The following NCOA3 variants were observed in gnomAD, a reference collection of about 807,000 sequenced individuals.
The protein encoded by NCOA3 is CBP-interacting protein.
A neutral mutation model predicts 158.8 loss-of-function variants in NCOA3; 51 were observed. That is an observed-to-expected ratio of 0.32 (90% confidence interval 0.26 to 0.41). The LOEUF (loss-of-function observed/expected upper bound fraction) is 0.41. Ranked by LOEUF, NCOA3 falls within the 10% of genes least tolerant of loss-of-function variation. The probability of loss-of-function intolerance (pLI) is 1.00; values close to 1 mark genes in which losing one functional copy is unlikely to be tolerated. For synonymous variants in NCOA3, 537 were observed against 592.4 expected, an observed-to-expected ratio of 0.91 and a Z score of 1.36; for missense variants, 1,510 against 1,746.6, an observed-to-expected ratio of 0.86 and a Z score of 2.41.
intron 20 of NCOA3, among the ~76,000 whole-genome samples, chr20:47,651,778 C>T (rs1211029282): frequency 6.6e-6 from 1 of 151,958 alleles, no homozygotes; most frequent in African/African-American, 2.4e-5. Flanking sequence ...GATTCTCCTG[C>T]CTCAGCCCTG....
At chr20:47,526,389 C>T (rs1219605835) in intron 1 of NCOA3, among the ~76,000 whole-genome samples, 5 of 152,088 alleles carry the variant, frequency 3.3e-5, no homozygotes, top group African/African-American at 1.2e-4. Flanking sequence ...AATCTCGGCA[C>T]TTTGGGAGGC....
Position 47,535,515 on chromosome 20 carries a change from C to CT in NCOA3, c.-99+33507dup, listed in dbSNP as rs1273521715. Among the ~76,000 whole-genome samples the CT allele has an allele frequency of 6.6e-3, 954 of 144,222 alleles. 7 individuals are homozygous for CT. The highest frequency in any genetic ancestry group is 0.019 in the Admixed American group (280 of 14,424). The allele number at this position is 144,222 out of a possible 152,430, so 94.6% of individuals were successfully genotyped here. ...GGAGAATGAGTGCAAGGTTTTTTTG[C>CT]TTTTTTTTTTTGAGACCGAGTCTCA... is the stretch of plus-strand genomic sequence containing the variant. On this transcript the variant is annotated intron_variant, in intron 1 of 22. Transcript: ENST00000371998.
At chr20:47,514,978 C>A (rs958243778) in intron 1 of NCOA3, among the ~76,000 whole-genome samples, 1 of 151,280 alleles carries the variant, frequency 6.6e-6, no homozygotes. Context: ...AGCCACCACA[C>A]CCAGCCTCTT....
In NCOA3 at chr20:47,647,212, A is replaced by C. The variant is rs1236101238; in HGVS notation, c.3392A>C (p.Gln1131Pro). 1 of 1,614,200 alleles carries C rather than the reference A, an allele frequency of 6.2e-7. No homozygotes were observed. The change falls in exon 18 of 23, where the codon CAA (glutamine) becomes CCA (proline). Residue 1131 changes from glutamine (Q) to proline (P), a missense_variant. Around this residue, in one of 4 missense-constraint regions of NCOA3, gnomAD observed 1,017 missense variants for 1,098.3 expected, o/e 0.93. Transcript: ENST00000371998. Reference sequence around the variant, plus strand: ...CAAGGAGGCTTTCATCTTCAGGGACAATCACCATCTTTTAACTCTATGATG... The same window carrying C: ...CAAGGAGGCTTTCATCTTCAGGGACCATCACCATCTTTTAACTCTATGATG... ...PMQGGFHLQG[Q>P]SPSFNSMMNQ...
intron 1 of NCOA3, among the ~76,000 whole-genome samples, chr20:47,536,653 C>G (rs1464255754): frequency 6.6e-6 from 1 of 151,970 alleles, no homozygotes; most frequent in Admixed American, 6.6e-5. Flanking sequence ...GCTTTGAGTT[C>G]TTATTTATTT....
intron 1 of NCOA3, among the ~76,000 whole-genome samples, chr20:47,549,015 CA>C (rs1365705648): frequency 6.6e-6 from 1 of 151,994 alleles, no homozygotes; most frequent in Non-Finnish European, 1.5e-5. Context: ...GCATAAACTT[CA>C]AAGATGTAAA....
In NCOA3 at chr20:47,636,714, C is replaced by G. The variant is rs1414265740; in HGVS notation, c.2328C>G (p.Ser776Arg). The change falls in exon 12 of 23, where the codon AGC becomes AGG. Residue 776 changes from serine to arginine, a missense_variant. Ser to Arg is a moderately radical substitution (Grantham distance 110). Around this residue, in one of 4 missense-constraint regions of NCOA3, gnomAD observed 1,017 missense variants for 1,098.3 expected, o/e 0.93. Coordinates refer to ENST00000371998, the MANE Select transcript of NCOA3 (RefSeq NM_181659.3). Reference sequence around the variant, plus strand: ...AGTGCACCAGCTCCACCATTCCTAGCTCAAGTCAAGAGAAAGACCCTAAAA... The same window carrying G: ...AGTGCACCAGCTCCACCATTCCTAGGTCAAGTCAAGAGAAAGACCCTAAAA... The part of the protein sequence containing the change: ...MSQCTSSTIP[S>R]SSQEKDPKIK... 6.2e-7 allele frequency: 1 copy of G among 1,613,736 alleles called. No homozygotes were observed. Among genetic ancestry groups the G allele is most frequent in the African/African-American group, 1.3e-5 (1 of 74,914 alleles).
At chr20:47,626,259 A>G (rs1248227197) in intron 5 of NCOA3, among the ~76,000 whole-genome samples, 3 of 152,236 alleles carry the variant, frequency 2.0e-5, no homozygotes, top group Non-Finnish European at 4.4e-5. Context: ...GTTTGTTCCA[A>G]CTACTTTTAG....
At chr20:47,563,870 C>G (rs1317623749) in intron 1 of NCOA3, among the ~76,000 whole-genome samples, 1 of 115,932 alleles carries the variant, frequency 8.6e-6, no homozygotes, top group Non-Finnish European at 1.6e-5. Context: ...GCCTGGGCTA[C>G]AGAGCGAGAT....
chr20:47,551,479 C>T (rs1405544238), intron 1 of NCOA3, among the ~76,000 whole-genome samples: 1 of 152,128 alleles, frequency 6.6e-6, no homozygotes, highest in Non-Finnish European at 1.5e-5. Context: ...TATAACTGTA[C>T]ACACTAAAGA....
intron 1 of NCOA3, among the ~76,000 whole-genome samples, chr20:47,582,800 A>G (rs1364991465): frequency 6.6e-6 from 1 of 152,040 alleles, no homozygotes. Context: ...AAATGGGAAG[A>G]CTTAATTTTT....
intron 2 of NCOA3, among the ~76,000 whole-genome samples, chr20:47,596,440 T>G (rs2085756914): frequency 6.6e-6 from 1 of 152,236 alleles, no homozygotes; most frequent in South Asian, 2.1e-4. Flanking sequence ...CTTCTAGCTT[T>G]TGAAGTGTGA....
intron 2 of NCOA3, among the ~76,000 whole-genome samples, chr20:47,609,949 A>G (rs1249918186): frequency 6.6e-6 from 1 of 152,114 alleles, no homozygotes; most frequent in African/African-American, 2.4e-5. Context: ...GTTTAGCTCC[A>G]CATAAGACGG....
chr20:47,531,656 C>T (rs1393710972), intron 1 of NCOA3, among the ~76,000 whole-genome samples: 1 of 152,156 alleles, frequency 6.6e-6, no homozygotes, highest in Non-Finnish European at 1.5e-5. Context: ...TTCCTCTTGA[C>T]CTTTCCTGTA....
chr20:47,636,888 ATAAT>A, intron 12 of NCOA3, 126 bp downstream of exon 12: 1 of 889,938 alleles, frequency 1.1e-6, no homozygotes, highest in Non-Finnish European at 1.7e-6. Flanking sequence ...TCATTTCTTT[ATAAT>A]TATTTTGGAT....
intron 1 of NCOA3, among the ~76,000 whole-genome samples, chr20:47,524,376 T>C (rs972029546): frequency 2.6e-5 from 4 of 152,188 alleles, no homozygotes; most frequent in African/African-American, 9.7e-5. Flanking sequence ...GGCGACAGGG[T>C]AGCTGGAAGA....
Position 47,655,916 on chromosome 20 carries a change from C to T in NCOA3, c.*2499C>T, listed in dbSNP as rs963977525. ...TTTCTACTTGTTCATTTGGTGCAAA[C>T]TCAAGATTTCTTTTAATAGGTGCAG... On this transcript the variant is annotated 3_prime_UTR_variant, in exon 23 of 23. Coordinates refer to ENST00000371998, the MANE Select transcript of NCOA3 (RefSeq NM_181659.3). 1 of 152,218 alleles carries T rather than the reference C, an allele frequency of 6.6e-6. No individual in the cohort carries two copies. The highest frequency in any genetic ancestry group is 2.1e-4 in the South Asian group (1 of 4,818). The allele number at this position is 152,218 out of a possible 1,614,324, so 9.4% of individuals were successfully genotyped here. A position where few individuals can be genotyped will look rare whatever the true frequency, so the allele number is the denominator to read the frequency against.
intron 2 of NCOA3, among the ~76,000 whole-genome samples, chr20:47,605,482 C>G (rs906110234): frequency 5.9e-5 from 9 of 151,998 alleles, no homozygotes; most frequent in Admixed American, 4.6e-4. Context: ...TTTATTTCCT[C>G]TACAACTGCC....
chr20:47,514,395 C>G (rs1356433962), intron 1 of NCOA3, among the ~76,000 whole-genome samples: 1 of 151,746 alleles, frequency 6.6e-6, no homozygotes, highest in Non-Finnish European at 1.5e-5. Flanking sequence ...TGTAACAAAT[C>G]TTTTTTTATT....
Sources: allele counts gnomAD v4.1 joint callset (sites outside exome capture counted in the v4.1 genomes callset), GRCh38; gene constraint gnomAD v4.1.1; regional missense constraint gnomAD v4.1.1; transcripts MANE v1.5; gene names NCBI Gene and HGNC (gene_info 2026-07-23, HGNC 2026-07-21).